REEP6: variants seen among roughly 807,000 people sequenced by gnomAD.
REEP6 encodes the protein receptor accessory protein 6.
REEP6 carries 19 observed loss-of-function variants against 22.4 expected under a neutral mutation model. That is an observed-to-expected ratio of 0.85 (90% CI 0.59 to 1.25). The LOEUF (loss-of-function observed/expected upper bound fraction) is 1.25. REEP6 is among the 50% of genes most tolerant of loss of function. REEP6 has a pLI of 0.00. For missense variants in REEP6, 273 were observed against 251.9 expected (o/e 1.08, Z -0.57); for synonymous variants, 121 against 113.6 (o/e 1.06, Z -0.41).
rs1189225093 is a variant in REEP6, at chr19:1,491,765, G to T, written c.115+381G>T. On this transcript the variant is annotated intron_variant, in intron 1 of 4. Transcript: ENST00000233596. The surrounding 1 kb of genome is among the most constrained non-coding windows in gnomAD (Gnocchi z 5.4). ...TGGCTGCAACAGTAGAGATCTTCCCGTTTTTCTGAGGGGAGGCTCCTGGCG... is the reference window on the plus strand; with the variant it reads ...TGGCTGCAACAGTAGAGATCTTCCCTTTTTTCTGAGGGGAGGCTCCTGGCG... Among the ~76,000 whole-genome samples, 5 of 152,156 alleles carry T rather than the reference G, an allele frequency of 3.3e-5. No individual in the cohort carries two copies. The highest frequency in any genetic ancestry group is 1.2e-4 in the African/African-American group (5 of 41,444).
chr19:1,497,306 A>C lies in REEP6; in HGVS notation c.*95A>C. On this transcript the variant is annotated 3_prime_UTR_variant, in exon 5 of 5. Transcript: ENST00000233596. This position sits in a 1 kb window ranked among gnomAD's most constrained non-coding sequence, Gnocchi z 6.5. ...CCACAGAGTCTTCAGCGCATCCCCCAACAGCAGCCCCTGCCAGTCCCTCGG... is the reference window on the plus strand; with the variant it reads ...CCACAGAGTCTTCAGCGCATCCCCCCACAGCAGCCCCTGCCAGTCCCTCGG... 8.7e-7 allele frequency: 1 copy of C among 1,149,126 alleles called. No individual in the cohort carries two copies. The highest frequency in any genetic ancestry group is 1.3e-6 in the Non-Finnish European group (1 of 780,206). The allele number at this position is 1,149,126 out of a possible 1,614,324, so 71.2% of individuals were successfully genotyped here.
chr19:1,496,273 C>A lies in REEP6; in HGVS notation c.349-12C>A, dbSNP rs1228403646. 4 of 1,595,640 alleles carry A rather than the reference C, an allele frequency of 2.5e-6. No homozygotes were observed. The highest frequency in any genetic ancestry group is 3.4e-6 in the Non-Finnish European group (4 of 1,168,884). On this transcript the variant is annotated splice_polypyrimidine_tract_variant and intron_variant, in intron 3 of 4. Coordinates refer to ENST00000233596, the MANE Select transcript of REEP6 (RefSeq NM_138393.4). ...GGGTGGGCCCGCGTGTAACTCCTGC[C>A]CCGCCCTGCAGTGCGCCTTCCTGTT...
intron 3 of REEP6, 108 bp from the exon 4 acceptor site, chr19:1,496,174 GAGA>G: frequency 7.6e-7 from 1 of 1,311,842 alleles, no homozygotes; most frequent in South Asian, 1.5e-5. Context: ...TCTGATGGTG[GAGA>G]CCCAGTGCCT....
rs2085018135 is a variant in REEP6 at position 1,497,386 on chromosome 19, C to T, written c.*175C>T. ...AATGCCACCTCGGGCAAGTCCCAGT[C>T]CCAGTCCTCGGCCACCCCCAGCTCT... is the stretch of plus-strand genomic sequence containing the variant. On this transcript the variant is annotated 3_prime_UTR_variant, in exon 5 of 5. Transcript: ENST00000233596. This position sits in a 1 kb window ranked among gnomAD's most constrained non-coding sequence, Gnocchi z 6.5. The T allele has an allele frequency of 2.7e-6, 2 of 730,268 alleles. 1 individual carries two copies. The highest frequency in any genetic ancestry group is 5.4e-5 in the East Asian group (2 of 37,264). The allele number at this position is 730,268 out of a possible 1,614,324, so 45.2% of individuals were successfully genotyped here.
rs865912248 is a variant in REEP6, at chr19:1,495,551, G to T, written c.292G>T (p.Ala98Ser). 3 of 1,614,094 alleles carry T rather than the reference G, an allele frequency of 1.9e-6. No individual in the cohort carries two copies. In the South Asian group the frequency reaches 3.3e-5, roughly 18 times the overall value. ...GGTGGTGTACGCCCTGTTTGGGCTGGCCGAGTTCTTCAGCGATCTACTCCT... is the reference window on the plus strand; with the variant it reads ...GGTGGTGTACGCCCTGTTTGGGCTGTCCGAGTTCTTCAGCGATCTACTCCT... ...YWVVYALFGL[A>S]EFFSDLLLSW... Residue 98 changes from alanine to serine, a missense_variant, in exon 3 of 5, where the codon GCC becomes TCC. Coordinates refer to ENST00000233596, the MANE Select transcript of REEP6 (RefSeq NM_138393.4).
At chr19:1,496,767 A>AT (rs1345871825) in intron 4 of REEP6, 1 of 610,922 alleles carries the variant, frequency 1.6e-6, no homozygotes, top group Admixed American at 2.3e-5. Context: ...GTGCACATGT[A>AT]TTATTGTGTG....
rs370406639 is a variant in REEP6 at position 1,496,417 on chromosome 19, C to T, written c.481C>T (p.Arg161Ter). The change falls in exon 4 of 5, where the codon CGA becomes TGA. Residue 161 changes from arginine (R) to a stop codon, truncating the protein, a stop_gained. Coordinates refer to ENST00000233596, the MANE Select transcript of REEP6 (RefSeq NM_138393.4). LOFTEE classifies it low-confidence loss of function (END_TRUNC). ...CAGAATCATGAACGACCTCAGCGGG[C>T]GAGCCCTGGACGCGGCGGCCGGAAT... ...VDRIMNDLSG[R>*]ALDAAAGITR... is the part of the protein sequence containing the mutation. 1.3e-5 allele frequency: 21 copies of T among 1,612,994 alleles called. No individual in the cohort carries two copies. The highest frequency in any genetic ancestry group is 1.7e-5 in the Admixed American group (1 of 60,016).
rs781053644 is a variant in REEP6, at chr19:1,491,634, T to C, written c.115+250T>C. Among the ~76,000 whole-genome samples, 45 of 152,340 alleles carry C rather than the reference T, an allele frequency of 3.0e-4. No homozygotes were observed. The highest frequency in any genetic ancestry group is 3.4e-3 in the Middle Eastern group (1 of 294). On this transcript the variant is annotated intron_variant, in intron 1 of 4. Coordinates refer to ENST00000233596, the MANE Select transcript of REEP6 (RefSeq NM_138393.4). The surrounding 1 kb of genome is among the most constrained non-coding windows in gnomAD (Gnocchi z 5.4). ...CGCCTCCTTCCGGGCGCTGGGTGCC[T>C]GCCATGCCGAAGTCCGGTTCTTCCA...
Position 1,491,327 on chromosome 19 carries a change from G to T in REEP6, c.58G>T (p.Glu20Ter). 1 of 1,479,634 alleles carries T rather than the reference G, an allele frequency of 6.8e-7. No individual in the cohort carries two copies. The highest frequency in any genetic ancestry group is 1.3e-5 in the South Asian group (1 of 75,872). The allele number at this position is 1,479,634 out of a possible 1,614,324, so 91.7% of individuals were successfully genotyped here. A position where few individuals can be genotyped will look rare whatever the true frequency, so the allele number is the denominator to read the frequency against. ...HFLEQRNLVTEVLGALEAKTG... is the reference protein window; with the variant it reads ...HFLEQRNLVT ...CCTGGAGCAAAGGAACCTGGTCACC[G>T]AAGTGCTGGGGGCGCTGGAGGCCAA... The change falls in exon 1 of 5, where the codon GAA (glutamate) becomes TAA (stop). Residue 20 changes from glutamate (E) to a stop codon, truncating the protein, a stop_gained. Transcript: ENST00000233596. LOFTEE classifies it high-confidence loss of function. This position sits in a 1 kb window ranked among gnomAD's most constrained non-coding sequence, Gnocchi z 5.4.
chr19:1,495,700 G>A (rs771054059), intron 3 of REEP6, 93 bp downstream of exon 3: 1 of 1,529,886 alleles, frequency 6.5e-7, no homozygotes, highest in Non-Finnish European at 8.9e-7. Context: ...AGGATACCAG[G>A]AGATGGGGGA....
intron 1 of REEP6, among the ~76,000 whole-genome samples, chr19:1,492,011 G>T (rs1414447591): frequency 1.3e-5 from 2 of 152,218 alleles, no homozygotes; most frequent in African/African-American, 2.4e-5. Context: ...CTCCATTACA[G>T]TTCTTCCGTG....
chr19:1,497,579 C>G lies in REEP6; in HGVS notation c.*368C>G. On this transcript the variant is annotated 3_prime_UTR_variant, in exon 5 of 5. Transcript: ENST00000233596. This position sits in a 1 kb window ranked among gnomAD's most constrained non-coding sequence, Gnocchi z 6.5. ...AGTCAGCCCTCCCGTCCTCGGGGCC[C>G]CTGCAGCCACCCAACGTCACCTCCA... 1.8e-6 allele frequency: 1 copy of G among 554,052 alleles called. No homozygotes were observed. The highest frequency in any genetic ancestry group is 3.6e-6 in the Non-Finnish European group (1 of 280,536). The allele number at this position is 554,052 out of a possible 1,614,324, so 34.3% of individuals were successfully genotyped here. A position where few individuals can be genotyped will look rare whatever the true frequency, so the allele number is the denominator to read the frequency against.
intron 4 of REEP6, chr19:1,496,722 G>GCA (rs2085011264): frequency 1.5e-6 from 1 of 659,852 alleles, no homozygotes; most frequent in Non-Finnish European, 2.8e-6. Context: ...GTGTGTGCGC[G>GCA]CGCGCGCGCG....
Position 1,496,868 on chromosome 19 carries a change from TCACGTGTGCATATGTGTGTGTGTGCC to T in REEP6, c.518-294_518-269del, listed in dbSNP as rs2085012897. ...TGAGCAAGGGAGTGAGCATGTTTTC[TCACGTGTGCATATGTGTGTGTGTGCC>T]CACGTGTGCATGTGAGTATATGTGT... On this transcript the variant is annotated intron_variant, in intron 4 of 4. Coordinates refer to ENST00000233596, the MANE Select transcript of REEP6 (RefSeq NM_138393.4). Among the ~76,000 whole-genome samples the T allele has an allele frequency of 2.0e-5, 3 of 152,136 alleles. No homozygotes were observed. In the South Asian group the frequency reaches 6.2e-4, roughly 31 times the overall value.
intron 3 of REEP6, 56 bp downstream of exon 3, chr19:1,495,663 G>A (rs2085000498): frequency 6.2e-7 from 1 of 1,607,910 alleles, no homozygotes; most frequent in Non-Finnish European, 8.5e-7. Context: ...GGGGATTCCT[G>A]GGAGGCGCTG....
Position 1,497,322 on chromosome 19 carries a change from A to G in REEP6, c.*111A>G, listed in dbSNP as rs781121165. 11 of 1,030,796 alleles carry G rather than the reference A, an allele frequency of 1.1e-5. No homozygotes were observed. Among genetic ancestry groups the G allele is most frequent in the Non-Finnish European group, 1.5e-5 (10 of 672,352 alleles). 63.9% of individuals were successfully genotyped at this position (1,030,796 alleles called of 1,614,324 possible). A position where few individuals can be genotyped will look rare whatever the true frequency, so the allele number is the denominator to read the frequency against. The stretch of plus-strand genomic sequence containing the variant: ...GCATCCCCCAACAGCAGCCCCTGCC[A>G]GTCCCTCGGGTCCAGGCAAGGCCCT... On this transcript the variant is annotated 3_prime_UTR_variant, in exon 5 of 5. Coordinates refer to ENST00000233596, the MANE Select transcript of REEP6 (RefSeq NM_138393.4). The surrounding 1 kb of genome is among the most constrained non-coding windows in gnomAD (Gnocchi z 6.5).
intron 1 of REEP6, among the ~76,000 whole-genome samples, chr19:1,493,697 G>A (rs1014299195): frequency 1.3e-3 from 15 of 11,354 alleles, no homozygotes; most frequent in African/African-American, 3.1e-3. Flanking sequence ...TTCAGGATTG[G>A]GGCTGAGCTG....
chr19:1,491,337 G>A lies in REEP6; in HGVS notation c.68G>A (p.Gly23Glu). The A allele has an allele frequency of 6.8e-7, 1 of 1,481,166 alleles. No individual in the cohort carries two copies. The highest frequency in any genetic ancestry group is 9.0e-7 in the Non-Finnish European group (1 of 1,116,626). The allele number at this position is 1,481,166 out of a possible 1,614,324, so 91.8% of individuals were successfully genotyped here. The change falls in exon 1 of 5, where the codon GGG becomes GAG. Residue 23 changes from glycine (G) to glutamate (E), a missense_variant. Transcript: ENST00000233596. The surrounding 1 kb of genome is among the most constrained non-coding windows in gnomAD (Gnocchi z 5.4). ...EQRNLVTEVL[G>E]ALEAKTGVEK... ...AGGAACCTGGTCACCGAAGTGCTGG[G>A]GGCGCTGGAGGCCAAGACCGGGGTG...
rs758679611 is a variant in REEP6 at position 1,495,472 on chromosome 19, C to T, written c.213C>T (p.Ile71=). ...CCCTGCTGCACCCTCCCTGCAGAAT[C>T]AAAGCTATCGAGAGCCCAAGCAAGG... The part of the protein sequence containing the change: ...IGFVYPAYAS[I]KAIESPSKDD... Residue 71 remains isoleucine (I), a synonymous_variant, in exon 3 of 5, where the codon ATC becomes ATT. Transcript: ENST00000233596. The T allele has an allele frequency of 3.1e-6, 5 of 1,613,816 alleles. No individual in the cohort carries two copies. Among genetic ancestry groups the T allele is most frequent in the Admixed American group, 3.3e-5 (2 of 60,004 alleles).
Sources: allele counts gnomAD v4.1 joint callset (sites outside exome capture counted in the v4.1 genomes callset), GRCh38; gene constraint gnomAD v4.1.1; non-coding constraint Gnocchi (gnomAD v3.1); transcripts MANE v1.5; gene names NCBI Gene and HGNC (gene_info 2026-07-23, HGNC 2026-07-21).